The following FKBP1A variants were observed in gnomAD, a reference collection of about 807,000 sequenced individuals.
The protein encoded by FKBP1A is FKBP prolyl isomerase 1A.
Under a neutral mutation model 14.2 loss-of-function variants are expected in FKBP1A, and 5 were observed. The observed-to-expected ratio is 0.35, with a 90% CI of 0.18 to 0.74. FKBP1A has a LOEUF of 0.74. Ranked by LOEUF, FKBP1A falls within the 30% of genes least tolerant of loss-of-function variation. The pLI is 0.56. For synonymous variants in FKBP1A, 42 were observed against 49.1 expected (o/e 0.86, Z 0.60); for missense variants, 53 against 138.8 (o/e 0.38, Z 3.10).
intron 2 of FKBP1A, among the ~76,000 whole-genome samples, chr20:1,392,391 A>C (rs2089748502): frequency 6.6e-6 from 1 of 152,082 alleles, no homozygotes; most frequent in South Asian, 2.1e-4. Context: ...ATCTCCAGTG[A>C]AGGGAGGGAT....
At chr20:1,381,794 A>G (rs2089619137) in intron 2 of FKBP1A, among the ~76,000 whole-genome samples, 1 of 152,224 alleles carries the variant, frequency 6.6e-6, no homozygotes, top group Non-Finnish European at 1.5e-5. Flanking sequence ...CAAAATAATT[A>G]TACCAAGTGA....
chr20:1,371,808 A>G (rs2089468248), intron 4 of FKBP1A: 2 of 1,117,400 alleles, frequency 1.8e-6, no homozygotes, highest in Non-Finnish European at 2.2e-6. Context: ...GTTTTAATTT[A>G]TAAACTACAT....
rs916846114 is a variant in FKBP1A, at chr20:1,386,781, G to A, written c.85+6053C>T. Among the ~76,000 whole-genome samples the A allele has an allele frequency of 3.3e-5, 5 of 152,322 alleles. No homozygotes were observed. Among genetic ancestry groups the A allele is most frequent in the East Asian group, 3.9e-4 (2 of 5,184 alleles). On this transcript the variant is annotated intron_variant, in intron 2 of 4. Transcript: ENST00000400137. The surrounding 1 kb of genome is among the most constrained non-coding windows in gnomAD (Gnocchi z 4.7). ...AGAGGAAGAGCAAATGTAACAGAAAGAGACAGTAGCATCTAAGAACTGGTT... is the reference window on the plus strand; with the variant it reads ...AGAGGAAGAGCAAATGTAACAGAAAAAGACAGTAGCATCTAAGAACTGGTT...
At chr20:1,384,287 G>A (rs370931134) in intron 2 of FKBP1A, among the ~76,000 whole-genome samples, 1 of 152,186 alleles carries the variant, frequency 6.6e-6, no homozygotes, top group East Asian at 1.9e-4. Flanking sequence ...GGTTCTAGCT[G>A]ACTCCTGGGA....
intron 3 of FKBP1A, among the ~76,000 whole-genome samples, chr20:1,372,792 C>A (rs1272110156): frequency 1.3e-5 from 2 of 152,170 alleles, no homozygotes; most frequent in Admixed American, 6.5e-5. Flanking sequence ...TTACTGAATA[C>A]CATTTGTGAA....
chr20:1,379,352 C>G lies in FKBP1A; in HGVS notation c.86-3749G>C, dbSNP rs953311354. 2.0e-5 allele frequency among the ~76,000 whole-genome samples: 3 copies of G among 151,822 alleles called. No individual in the cohort carries two copies. Among genetic ancestry groups the G allele is most frequent in the Non-Finnish European group, 2.9e-5 (2 of 67,882 alleles). The stretch of plus-strand genomic sequence containing the variant: ...GCACTAGGCAGGACACAGCCTGAAT[C>G]TGCTGCTGCTGCTGCTGCTGAGCCA... On this transcript the variant is annotated intron_variant, in intron 2 of 4. Coordinates refer to ENST00000400137, the MANE Select transcript of FKBP1A (RefSeq NM_000801.5). This position sits in a 1 kb window ranked among gnomAD's most constrained non-coding sequence, Gnocchi z 4.3.
chr20:1,370,185 G>A (rs1163815790), intron 4 of FKBP1A, 113 bp from the exon 5 acceptor site: 3 of 1,456,064 alleles, frequency 2.1e-6, no homozygotes, highest in African/African-American at 2.8e-5. Context: ...CAGCTGAGCA[G>A]TCTGAGACCA....
chr20:1,374,551 G>A (rs2089512217), intron 3 of FKBP1A: 1 of 152,194 alleles, frequency 6.6e-6, no homozygotes, highest in South Asian at 2.1e-4. Context: ...ATAGCCTGGT[G>A]GTGGCAGTCC....
chr20:1,371,778 T>A lies in FKBP1A; in HGVS notation c.*36+298A>T, dbSNP rs531068081. ...GTTGGCACTACAAATTTGGCCTACATTTCCATAGTCCTCAATTCAGTTTTA... is the reference window on the plus strand; with the variant it reads ...GTTGGCACTACAAATTTGGCCTACAATTCCATAGTCCTCAATTCAGTTTTA... On this transcript the variant is annotated intron_variant, in intron 4 of 4. Transcript: ENST00000400137. The A allele has an allele frequency of 6.6e-6, 7 of 1,054,404 alleles. No individual in the cohort carries two copies. In the African/African-American group the frequency reaches 1.0e-4, roughly 15 times the overall value. 65.3% of individuals were successfully genotyped at this position (1,054,404 alleles called of 1,614,324 possible). A position where few individuals can be genotyped will look rare whatever the true frequency, so the allele number is the denominator to read the frequency against.
In FKBP1A at chr20:1,379,796, A is replaced by G. The variant is rs1331130053; in HGVS notation, c.86-4193T>C. Among the ~76,000 whole-genome samples the G allele has an allele frequency of 6.6e-6, 1 of 152,150 alleles. No homozygotes were observed. Among genetic ancestry groups the G allele is most frequent in the Non-Finnish European group, 1.5e-5 (1 of 68,028 alleles). ...AATCCCCCGAAATGGGTGGGGTGGT[A>G]TGTGATTAAGTGGGTGTCACACAAC... On this transcript the variant is annotated intron_variant, in intron 2 of 4. Coordinates refer to ENST00000400137, the MANE Select transcript of FKBP1A (RefSeq NM_000801.5). This position sits in a 1 kb window ranked among gnomAD's most constrained non-coding sequence, Gnocchi z 4.3.
chr20:1,390,489 A>G (rs2089722018), intron 2 of FKBP1A, among the ~76,000 whole-genome samples: 1 of 152,118 alleles, frequency 6.6e-6, no homozygotes, highest in Non-Finnish European at 1.5e-5. Flanking sequence ...AACACAAAAC[A>G]ACAACCAAAA....
At chr20:1,371,202 G>GCTCC (rs2089459772) in intron 4 of FKBP1A, 1 of 984,422 alleles carries the variant, frequency 1.0e-6, no homozygotes, top group African/African-American at 1.7e-5. Flanking sequence ...AAGGAAGCCA[G>GCTCC]TAGCATTCAT....
In FKBP1A at chr20:1,393,010, A is replaced by T. The variant is rs1205726136; in HGVS notation, c.-12T>A. On this transcript the variant is annotated 5_prime_UTR_variant, in exon 1 of 5. Transcript: ENST00000400137. Reference sequence around the variant, plus strand: ...ACCTGCACTCCCATGGCGGCGGCGGACGCTGAGCGGGCGGGCGGCGCGACG... The same window carrying T: ...ACCTGCACTCCCATGGCGGCGGCGGTCGCTGAGCGGGCGGGCGGCGCGACG... 1.4e-6 allele frequency: 2 copies of T among 1,463,576 alleles called. No individual in the cohort carries two copies. The highest frequency in any genetic ancestry group is 1.8e-6 in the Non-Finnish European group (2 of 1,111,550). 90.7% of individuals were successfully genotyped at this position (1,463,576 alleles called of 1,614,324 possible).
At chr20:1,391,502 T>A (rs2089735840) in intron 2 of FKBP1A, 1 of 393,382 alleles carries the variant, frequency 2.5e-6, no homozygotes, top group African/African-American at 2.1e-5. Context: ...TTGGCAGAAT[T>A]TTTAAAGTTC....
At position 1,392,739 on chromosome 20, in the gene FKBP1A, G is replaced by A. The variant is rs572939586; in HGVS notation, c.85+95C>T. On this transcript the variant is annotated intron_variant, in intron 2 of 4. Transcript: ENST00000400137. ...CGGACCTCGCCGCCGCCACGCCCCG[G>A]ACCCCAGGCCCCGGGCCCCCAGGCC... 1,103 of 910,758 alleles carry A rather than the reference G, an allele frequency of 1.2e-3. 1 individual carries two copies. The highest frequency in any genetic ancestry group is 1.5e-3 in the Non-Finnish European group (1,037 of 682,010). The allele number at this position is 910,758 out of a possible 1,614,324, so 56.4% of individuals were successfully genotyped here. A position where few individuals can be genotyped will look rare whatever the true frequency, so the allele number is the denominator to read the frequency against.
chr20:1,391,830 G>A, intron 2 of FKBP1A: 2 of 391,346 alleles, frequency 5.1e-6, no homozygotes, highest in East Asian at 3.6e-5. Context: ...AGGAGGAGGG[G>A]GAGGGAAGGT....
intron 2 of FKBP1A, among the ~76,000 whole-genome samples, chr20:1,375,907 G>T (rs2122669016): frequency 6.6e-6 from 1 of 152,220 alleles, no homozygotes; most frequent in South Asian, 2.1e-4. Context: ...CTCCTGCCCT[G>T]ACTCTCCCAG....
Position 1,379,686 on chromosome 20 carries a change from G to A in FKBP1A, c.86-4083C>T, listed in dbSNP as rs2089595318. Among the ~76,000 whole-genome samples, 3 of 152,160 alleles carry A rather than the reference G, an allele frequency of 2.0e-5. No homozygotes were observed. On this transcript the variant is annotated intron_variant, in intron 2 of 4. Transcript: ENST00000400137. This position sits in a 1 kb window ranked among gnomAD's most constrained non-coding sequence, Gnocchi z 4.3. ...CTTTCTAAGGAGAAATCTTCGCAGGGCAGGGTTGGGTGGTGGCAGTGATGT... is the reference window on the plus strand; with the variant it reads ...CTTTCTAAGGAGAAATCTTCGCAGGACAGGGTTGGGTGGTGGCAGTGATGT...
chr20:1,392,768 A>T, intron 2 of FKBP1A, 66 bp downstream of exon 2: 1 of 1,292,964 alleles, frequency 7.7e-7, no homozygotes, highest in Non-Finnish European at 1.0e-6. Context: ...CCAGGCCTCG[A>T]CGGCCAGCCG....
Sources: gnomAD v4.1 joint callset for allele counts (sites outside exome capture counted in the v4.1 genomes callset) on GRCh38, gnomAD v4.1.1 for gene constraint, Gnocchi (gnomAD v3.1) non-coding constraint, MANE v1.5 for transcripts, NCBI Gene and HGNC (gene_info 2026-07-23, HGNC 2026-07-21) for gene names.